The following RAB11FIP2 variants were observed in gnomAD, a reference collection of about 807,000 sequenced individuals.
RAB11FIP2 encodes RAB11 family interacting protein 2, also known as rab11 family-interacting protein 2.
RAB11FIP2 carries 16 observed loss-of-function variants against 40.9 expected under a neutral mutation model. That is an observed-to-expected ratio of 0.39 (90% CI 0.26 to 0.59). The LOEUF (loss-of-function observed/expected upper bound fraction) is 0.59. Among genes scored for constraint, RAB11FIP2 ranks in the 20% least tolerant of loss-of-function variants. RAB11FIP2 has a pLI of 0.53. For synonymous variants in RAB11FIP2, 228 were observed against 213.7 expected (o/e 1.07, Z -0.58); for missense variants, 532 against 606.2 (o/e 0.88, Z 1.28).
intron 3 of RAB11FIP2, among the ~76,000 whole-genome samples, chr10:118,021,862 G>A (rs1564831864): frequency 6.6e-6 from 1 of 152,164 alleles, no homozygotes; most frequent in East Asian, 1.9e-4. Context: ...TCTTAAGGTT[G>A]TTTTCAGGCC....
At position 118,008,740 on chromosome 10, in the gene RAB11FIP2, CTGAG is replaced by C. The variant is rs1846123460; in HGVS notation, c.*254_*257del. On this transcript the variant is annotated 3_prime_UTR_variant, in exon 5 of 5. Coordinates refer to ENST00000355624, the MANE Select transcript of RAB11FIP2 (RefSeq NM_014904.3). ...CAGATTAGTGGGTCAGTACCAGCAC[CTGAG>C]TGAGTCCTAAGGAACCACTTATTCA... 2 of 436,396 alleles carry C rather than the reference CTGAG, an allele frequency of 4.6e-6. No homozygotes were observed. The highest frequency in any genetic ancestry group is 2.5e-5 in the South Asian group (1 of 40,690). 27.0% of individuals were successfully genotyped at this position (436,396 alleles called of 1,614,324 possible).
At chr10:118,019,655 C>G (rs568097668) in intron 3 of RAB11FIP2, among the ~76,000 whole-genome samples, 2 of 151,844 alleles carry the variant, frequency 1.3e-5, no homozygotes, top group Non-Finnish European at 2.9e-5. Context: ...AACCCCGTCT[C>G]TACTAAAAAT....
intron 4 of RAB11FIP2, among the ~76,000 whole-genome samples, chr10:118,011,691 T>C (rs1007817392): frequency 2.6e-5 from 4 of 152,074 alleles, no homozygotes; most frequent in South Asian, 2.1e-4. Context: ...AACTCTAAAA[T>C]TGTCTGGTAT....
chr10:118,016,067 T>A (rs189061091), intron 3 of RAB11FIP2, among the ~76,000 whole-genome samples: 38 of 152,346 alleles, frequency 2.5e-4, no homozygotes, highest in Admixed American at 1.6e-3. Flanking sequence ...ACACTGGATA[T>A]AATGTTGGTA....
intron 3 of RAB11FIP2, among the ~76,000 whole-genome samples, chr10:118,015,473 T>C (rs558523760): frequency 6.6e-6 from 1 of 152,272 alleles, no homozygotes; most frequent in East Asian, 1.9e-4. Flanking sequence ...CCCTCTGATA[T>C]AAAACTAGGG....
At chr10:118,042,732 GTTTT>G (rs1159838695) in intron 1 of RAB11FIP2, among the ~76,000 whole-genome samples, 6 of 151,830 alleles carry the variant, frequency 4.0e-5, no homozygotes, top group Non-Finnish European at 8.8e-5. Flanking sequence ...ACATTGTCTT[GTTTT>G]TTTAGTAGGA....
At chr10:118,042,669 A>G (rs1846575952) in intron 1 of RAB11FIP2, among the ~76,000 whole-genome samples, 1 of 152,194 alleles carries the variant, frequency 6.6e-6, no homozygotes. Flanking sequence ...TTTTATTTCT[A>G]GAACTATATT....
Position 118,009,215 on chromosome 10 carries a change from G to T in RAB11FIP2, c.1322C>A (p.Pro441His). The T allele has an allele frequency of 6.2e-7, 1 of 1,612,448 alleles. No individual in the cohort carries two copies. The highest frequency in any genetic ancestry group is 2.2e-5 in the East Asian group (1 of 44,856). The change falls in exon 5 of 5, where the codon CCC becomes CAC. Residue 441 changes from proline (P) to histidine (H), a missense_variant. Pro to His is a moderately conservative substitution (Grantham distance 77). Transcript: ENST00000355624. ...ACGATACCCTGCAGTGGCATCAAAG[G>T]GGTTGCTGTCCTAGAACAGGATAAA... Reference protein sequence around the residue: ...EDLRKIPDSNPFDATAGYRSL... With the variant: ...EDLRKIPDSNHFDATAGYRSL...
In RAB11FIP2 at chr10:118,008,176, G is replaced by A. The variant is rs1462129832; in HGVS notation, c.*822C>T. On this transcript the variant is annotated 3_prime_UTR_variant, in exon 5 of 5. Coordinates refer to ENST00000355624, the MANE Select transcript of RAB11FIP2 (RefSeq NM_014904.3). ...TAATTAATTCAAATAAATTCATGCT[G>A]TTATGAAGTTAATGAAGTCTCCTAA... The A allele has an allele frequency of 6.6e-6, 1 of 152,148 alleles. No individual in the cohort carries two copies. The highest frequency in any genetic ancestry group is 1.5e-5 in the Non-Finnish European group (1 of 68,006). The allele number at this position is 152,148 out of a possible 1,614,324, so 9.4% of individuals were successfully genotyped here.
Position 118,005,553 on chromosome 10 carries a change from GT to G in RAB11FIP2, c.*3444del, listed in dbSNP as rs1473677834. On this transcript the variant is annotated 3_prime_UTR_variant, in exon 5 of 5. Coordinates refer to ENST00000355624, the MANE Select transcript of RAB11FIP2 (RefSeq NM_014904.3). ...CTTTCCCTTATTTCAAAGGGACCAA[GT>G]GAATGAGCATGCATCATACTTCACT... 6 of 152,322 alleles carry G rather than the reference GT, an allele frequency of 3.9e-5. No homozygotes were observed. Among genetic ancestry groups the G allele is most frequent in the Non-Finnish European group, 7.3e-5 (5 of 68,032 alleles). 9.4% of individuals were successfully genotyped at this position (152,322 alleles called of 1,614,324 possible). A position where few individuals can be genotyped will look rare whatever the true frequency, so the allele number is the denominator to read the frequency against.
chr10:118,015,218 A>G, intron 3 of RAB11FIP2, 108 bp from the exon 4 acceptor site: 1 of 812,698 alleles, frequency 1.2e-6, no homozygotes, highest in East Asian at 3.0e-5. Context: ...AAAGCCCTAC[A>G]TTATTCAGAG....
In RAB11FIP2 at chr10:118,008,612, A is replaced by C. The variant is rs1328590980; in HGVS notation, c.*386T>G. On this transcript the variant is annotated 3_prime_UTR_variant, in exon 5 of 5. Transcript: ENST00000355624. ...ATTCCTGAAGCTAAATATTTCTACA[A>C]ACTGATTTCTGAGAAACCAGCCACA... 7 of 191,810 alleles carry C rather than the reference A, an allele frequency of 3.6e-5. No homozygotes were observed. The highest frequency in any genetic ancestry group is 2.2e-5 in the Non-Finnish European group (2 of 91,048). The allele number at this position is 191,810 out of a possible 1,614,324, so 11.9% of individuals were successfully genotyped here. A position where few individuals can be genotyped will look rare whatever the true frequency, so the allele number is the denominator to read the frequency against.
At chr10:118,025,449 C>T (rs1169834018) in intron 3 of RAB11FIP2, among the ~76,000 whole-genome samples, 1 of 152,160 alleles carries the variant, frequency 6.6e-6, no homozygotes, top group Admixed American at 6.5e-5. Flanking sequence ...TGTTTCACTA[C>T]AAGAAGTTTT....
At chr10:118,038,939 C>T in intron 3 of RAB11FIP2, 33 bp downstream of exon 3, 1 of 1,422,112 alleles carries the variant, frequency 7.0e-7, no homozygotes, top group East Asian at 2.3e-5. Context: ...AAGATTTTCC[C>T]AAATAGTAGA....
intron 1 of RAB11FIP2, 49 bp from the exon 2 acceptor site, chr10:118,040,614 A>T (rs1263388069): frequency 1.6e-5 from 21 of 1,332,388 alleles, no homozygotes; most frequent in Non-Finnish European, 2.0e-5. Context: ...TAGAGAGAGG[A>T]TACTGAGTTC....
rs2133158846 is a variant in RAB11FIP2 at position 118,008,294 on chromosome 10, G to C, written c.*704C>G. On this transcript the variant is annotated 3_prime_UTR_variant, in exon 5 of 5. Transcript: ENST00000355624. ...AGAATAATATATAGCAGCTCACTTT[G>C]AAACCAAGGTCCATGTAGTCAAGAG... The C allele has an allele frequency of 6.6e-6, 1 of 152,450 alleles. No homozygotes were observed. The highest frequency in any genetic ancestry group is 6.6e-5 in the Admixed American group (1 of 15,260). 9.4% of individuals were successfully genotyped at this position (152,450 alleles called of 1,614,324 possible).
chr10:118,030,992 T>C (rs1000839701), intron 3 of RAB11FIP2, among the ~76,000 whole-genome samples: 4 of 152,224 alleles, frequency 2.6e-5, no homozygotes, highest in African/African-American at 9.6e-5. Context: ...CATTGTTTCA[T>C]TGGATACATT....
intron 3 of RAB11FIP2, among the ~76,000 whole-genome samples, chr10:118,024,814 CTA>C (rs1426109701): frequency 6.6e-6 from 1 of 152,154 alleles, no homozygotes; most frequent in African/African-American, 2.4e-5. Context: ...TATGACAAAG[CTA>C]TGTTTTGGAG....
In RAB11FIP2 at chr10:118,006,014, A is replaced by AT. The variant is rs758414659; in HGVS notation, c.*2983dup. 1 of 152,650 alleles carries AT rather than the reference A, an allele frequency of 6.6e-6. No homozygotes were observed. Among genetic ancestry groups the AT allele is most frequent in the Non-Finnish European group, 1.5e-5 (1 of 68,036 alleles). The allele number at this position is 152,650 out of a possible 1,614,324, so 9.5% of individuals were successfully genotyped here. On this transcript the variant is annotated 3_prime_UTR_variant, in exon 5 of 5. Transcript: ENST00000355624. ...TGTAGTTATGTATAATCTATAGATAATACTACATTCAGGGGACAATGGCAA... is the reference window on the plus strand; with the variant it reads ...TGTAGTTATGTATAATCTATAGATAATTACTACATTCAGGGGACAATGGCAA...
Sources: allele counts gnomAD v4.1 joint callset (sites outside exome capture counted in the v4.1 genomes callset), GRCh38; gene constraint gnomAD v4.1.1; transcripts MANE v1.5; gene names NCBI Gene and HGNC (gene_info 2026-07-23, HGNC 2026-07-21).